Variants in TENM2 observed in about 807,000 individuals in gnomAD.
TENM2 encodes teneurin transmembrane protein 2, also known as teneurin-2.
Under a neutral mutation model 245.2 loss-of-function variants are expected in TENM2, and 52 were observed. The observed-to-expected ratio is 0.21, with a 90% CI of 0.17 to 0.27. The LOEUF (loss-of-function observed/expected upper bound fraction) is 0.27. TENM2 is among the 10% of genes least tolerant of loss of function. The pLI is 1.00. For missense variants in TENM2, 3,046 were observed against 3,666.8 expected (o/e 0.83, Z 4.37); for synonymous variants, 1,363 against 1,438.9 (o/e 0.95, Z 1.19).
chr5:167,068,430 TGAGA>T, the TENM2 span, among the ~76,000 whole-genome samples: 3 of 152,198 alleles, frequency 2.0e-5, no homozygotes, highest in Admixed American at 6.5e-5. Flanking sequence ...TGATAAATAA[TGAGA>T]GAGGAAAGCT....
intron 2 of TENM2, among the ~76,000 whole-genome samples, chr5:167,613,742 A>G (rs1230628912): frequency 6.6e-6 from 1 of 152,134 alleles, no homozygotes; most frequent in Non-Finnish European, 1.5e-5. Context: ...TTTCAAGAAA[A>G]TAAGTCAGGC....
chr5:168,214,408 C>T (rs1285189179), intron 20 of TENM2, among the ~76,000 whole-genome samples: 1 of 152,230 alleles, frequency 6.6e-6, no homozygotes, highest in Non-Finnish European at 1.5e-5. Flanking sequence ...TCTCCTGTCT[C>T]AGTAATTCAG....
chr5:168,087,962 T>C (rs546327626), intron 7 of TENM2, among the ~76,000 whole-genome samples: 1 of 152,302 alleles, frequency 6.6e-6, no homozygotes, highest in Non-Finnish European at 1.5e-5. Context: ...GCAGGGGGAC[T>C]CTGAGGAGCC....
At chr5:167,426,141 A>G (rs1482444108) in intron 2 of TENM2, among the ~76,000 whole-genome samples, 1 of 152,192 alleles carries the variant, frequency 6.6e-6, no homozygotes, top group Non-Finnish European at 1.5e-5. Context: ...ACAGAGGAGT[A>G]TGCTGCAGTC....
the TENM2 span, among the ~76,000 whole-genome samples, chr5:167,044,232 G>A: frequency 1.3e-5 from 2 of 152,136 alleles, no homozygotes; most frequent in Non-Finnish European, 2.9e-5. Context: ...GAGAGAATCT[G>A]GCAGATTGAG....
chr5:167,600,058 ATTGCTTG>A (rs1561588728), intron 2 of TENM2, among the ~76,000 whole-genome samples: 4 of 152,012 alleles, frequency 2.6e-5, no homozygotes, highest in African/African-American at 2.4e-5. Context: ...AGGCGGGAGA[ATTGCTTG>A]AACCCAGGAG....
At chr5:167,079,608 C>T in the TENM2 span, among the ~76,000 whole-genome samples, 14 of 151,234 alleles carry the variant, frequency 9.3e-5, no homozygotes, top group African/African-American at 2.7e-4. Context: ...CCACCACACC[C>T]GGCCTAATAT....
chr5:167,636,028 T>C (rs543822255), intron 2 of TENM2, among the ~76,000 whole-genome samples: 7 of 152,302 alleles, frequency 4.6e-5, no homozygotes, highest in African/African-American at 1.7e-4. Context: ...TGTTCTTTTG[T>C]TTTTGTTTTT....
intron 2 of TENM2, among the ~76,000 whole-genome samples, chr5:167,803,176 G>A (rs2150958944): frequency 6.6e-6 from 1 of 152,234 alleles, no homozygotes; most frequent in African/African-American, 2.4e-5. Flanking sequence ...CTGCCTGCCT[G>A]GGCCAGATTT....
At chr5:167,707,680 C>T (rs1017790458) in intron 2 of TENM2, among the ~76,000 whole-genome samples, 1 of 152,194 alleles carries the variant, frequency 6.6e-6, no homozygotes, top group East Asian at 1.9e-4. Flanking sequence ...AATCTTAGAA[C>T]CCACTGCCTG....
intron 1 of TENM2, among the ~76,000 whole-genome samples, chr5:167,337,621 G>GGAAT (rs1296724939): frequency 3.7e-4 from 56 of 152,256 alleles, no homozygotes; most frequent in African/African-American, 1.3e-3. Context: ...TGGGTTTTGT[G>GGAAT]GAATGAGCAG....
chr5:167,591,162 G>C lies in TENM2; in HGVS notation c.502+215689G>C, dbSNP rs562126569. Among the ~76,000 whole-genome samples the C allele has an allele frequency of 3.3e-5, 5 of 152,264 alleles. No homozygotes were observed. The East Asian group carries it at 7.7e-4, about 24-fold the overall frequency. The stretch of plus-strand genomic sequence containing the variant: ...CCAGCCTAGTGCAAAGCTCTGCAAA[G>C]AAAGGGTTCCTTGGTGGAGTGAATT... On this transcript the variant is annotated intron_variant, in intron 2 of 28. Transcript: ENST00000518659.
intron 12 of TENM2, among the ~76,000 whole-genome samples, chr5:168,131,173 G>T (rs1754546571): frequency 6.6e-6 from 1 of 152,144 alleles, no homozygotes; most frequent in South Asian, 2.1e-4. Flanking sequence ...CCTGAACATG[G>T]GCTACCCAGA....
intron 3 of TENM2, among the ~76,000 whole-genome samples, chr5:167,893,955 C>T (rs905130044): frequency 1.3e-5 from 2 of 152,096 alleles, no homozygotes; most frequent in African/African-American, 2.4e-5. Flanking sequence ...ATACTGCAGT[C>T]GTTTTTCCAT....
chr5:167,610,026 T>A (rs947298189), intron 2 of TENM2, among the ~76,000 whole-genome samples: 4 of 152,108 alleles, frequency 2.6e-5, no homozygotes, highest in Non-Finnish European at 4.4e-5. Flanking sequence ...CGGCTATAAA[T>A]CAGGATTTCT....
chr5:168,034,427 G>A (rs938044041), intron 5 of TENM2, among the ~76,000 whole-genome samples: 4 of 151,374 alleles, frequency 2.6e-5, no homozygotes, highest in African/African-American at 9.7e-5. Context: ...TGTAAGTGGT[G>A]TGGTTATAAA....
intron 2 of TENM2, among the ~76,000 whole-genome samples, chr5:167,827,639 G>GGGGGGA (rs1768097588): frequency 9.1e-6 from 1 of 109,938 alleles, no homozygotes; most frequent in Non-Finnish European, 1.9e-5. Flanking sequence ...GGGGGGGGGG[G>GGGGGGA]AACAGTTTAA....
At chr5:167,403,294 T>C (rs1216938955) in intron 2 of TENM2, among the ~76,000 whole-genome samples, 1 of 145,926 alleles carries the variant, frequency 6.9e-6, no homozygotes, top group East Asian at 2.0e-4. Context: ...AGCTGAAATG[T>C]CTGCCACCCT....
At position 168,148,993 on chromosome 5, in the gene TENM2, A is replaced by G. The variant is rs1356359033; in HGVS notation, c.2423-13618A>G. Among the ~76,000 whole-genome samples the G allele has an allele frequency of 2.0e-5, 3 of 152,160 alleles. No homozygotes were observed. In the East Asian group the frequency reaches 5.8e-4, roughly 29 times the overall value. The stretch of plus-strand genomic sequence containing the variant: ...GTGGGTCAAGCTGGCCTATAGGGTT[A>G]AAGAGAACGCAAAGGAACTAAAAGA... On this transcript the variant is annotated intron_variant, in intron 12 of 28. Coordinates refer to ENST00000518659, the Ensembl canonical transcript of TENM2.
Sources: gnomAD v4.1 joint callset for allele counts (sites outside exome capture counted in the v4.1 genomes callset) on GRCh38, gnomAD v4.1.1 for gene constraint, MANE v1.5 for transcripts, NCBI Gene and HGNC (gene_info 2026-07-23, HGNC 2026-07-21) for gene names.